VAV3: variants seen among roughly 807,000 people sequenced by gnomAD.
The protein encoded by VAV3 is vav guanine nucleotide exchange factor 3.
Under a neutral mutation model 131.2 loss-of-function variants are expected in VAV3, and 94 were observed. That is an observed-to-expected ratio of 0.72 (90% CI 0.61 to 0.85). VAV3 has a LOEUF of 0.85. VAV3 is among the 40% of genes least tolerant of loss of function. The pLI, the probability that VAV3 is intolerant of heterozygous loss-of-function variation, is 0.00. For synonymous variants in VAV3, 349 were observed against 342.0 expected (o/e 1.02, Z -0.22); for missense variants, 939 against 1,002.7 (o/e 0.94, Z 0.86).
At chr1:107,794,083 G>C (rs539810980) in intron 2 of VAV3, among the ~76,000 whole-genome samples, 1 of 152,378 alleles carries the variant, frequency 6.6e-6, no homozygotes, top group East Asian at 1.9e-4. Flanking sequence ...TTCTGTTCCA[G>C]ACGGGACCAA....
intron 17 of VAV3, among the ~76,000 whole-genome samples, chr1:107,693,403 T>A (rs888561183): frequency 6.6e-6 from 1 of 152,134 alleles, no homozygotes; most frequent in Admixed American, 6.5e-5. Context: ...CAAATGCACT[T>A]GAGTTAATAA....
intron 12 of VAV3, 112 bp from the exon 13 acceptor site, chr1:107,751,314 C>T (rs1431078420): frequency 1.2e-6 from 1 of 851,384 alleles, no homozygotes; most frequent in Middle Eastern, 3.0e-4. Context: ...AAAATGTTAC[C>T]ATTTTTTATA....
Position 107,755,974 on chromosome 1 carries a change from C to T in VAV3, c.1087-461G>A, listed in dbSNP as rs567373302. 9.9e-5 allele frequency among the ~76,000 whole-genome samples: 15 copies of T among 152,208 alleles called. No individual in the cohort carries two copies. In the South Asian group the frequency reaches 1.9e-3, roughly 19 times the overall value. ...AGCAAGACTGTTTTATTTTTGCAAT[C>T]GGCTAGTCTTCTTGGTTCCTGAGAG... On this transcript the variant is annotated intron_variant, in intron 11 of 26. Transcript: ENST00000370056.
intron 2 of VAV3, among the ~76,000 whole-genome samples, chr1:107,825,856 T>C (rs751046096): frequency 7.0e-4 from 106 of 152,190 alleles, no homozygotes; most frequent in Non-Finnish European, 1.4e-3. Flanking sequence ...TGTCTGACAC[T>C]GTCAAGACAC....
intron 1 of VAV3, among the ~76,000 whole-genome samples, chr1:107,923,123 C>T (rs188334269): frequency 3.9e-5 from 6 of 152,218 alleles, no homozygotes; most frequent in South Asian, 2.1e-4. Context: ...CCCTTCCTGT[C>T]TCTAGCATCT....
intron 1 of VAV3, among the ~76,000 whole-genome samples, chr1:107,887,214 C>T (rs1671077543): frequency 6.6e-6 from 1 of 152,220 alleles, no homozygotes; most frequent in Admixed American, 6.5e-5. Context: ...GAGGACTGCG[C>T]TCTTACCCGC....
chr1:107,602,894 T>C (rs1054581808), intron 23 of VAV3, among the ~76,000 whole-genome samples, 153 bp downstream of exon 23: 3 of 152,200 alleles, frequency 2.0e-5, no homozygotes, highest in East Asian at 3.8e-4. Context: ...TTCAAAGATA[T>C]ATTTTCAAGT....
At chr1:107,874,040 T>G (rs1018962832) in intron 2 of VAV3, among the ~76,000 whole-genome samples, 5 of 152,226 alleles carry the variant, frequency 3.3e-5, no homozygotes, top group African/African-American at 1.2e-4. Flanking sequence ...AGCCTTTTGA[T>G]AAGATACTAG....
chr1:107,686,034 T>TGGGGGGGGGGGGGGGGGG (rs554715740), intron 18 of VAV3: 21 of 85,046 alleles, frequency 2.5e-4, no homozygotes, highest in South Asian at 5.9e-4. Flanking sequence ...GTTGGGGGGG[T>TGGGGGGGGGGGGGGGGGG]GGGGGGGGAG....
chr1:107,784,020 ACTGCACTCCAGCCTGGGT>A (rs760097227), intron 2 of VAV3, among the ~76,000 whole-genome samples: 50 of 151,946 alleles, frequency 3.3e-4, no homozygotes, highest in Non-Finnish European at 6.8e-4. Flanking sequence ...AGATAGTGCC[ACTGCACTCCAGCCTGGGT>A]GACAGAGCAA....
At chr1:107,864,619 G>C (rs1669896966) in intron 2 of VAV3, among the ~76,000 whole-genome samples, 1 of 152,156 alleles carries the variant, frequency 6.6e-6, no homozygotes, top group African/African-American at 2.4e-5. Context: ...GTGAAACCCT[G>C]TCTCAAAAAA....
chr1:107,908,105 G>C (rs1405931441), intron 1 of VAV3, among the ~76,000 whole-genome samples: 1 of 152,208 alleles, frequency 6.6e-6, no homozygotes, highest in Admixed American at 6.5e-5. Context: ...CTCTTTCACA[G>C]TGCCTGGAAG....
chr1:107,880,524 G>A (rs1009595849), intron 1 of VAV3, among the ~76,000 whole-genome samples: 4 of 152,084 alleles, frequency 2.6e-5, no homozygotes, highest in African/African-American at 4.8e-5. Context: ...GGCCAGATGC[G>A]GTGGCTCATG....
chr1:107,646,032 G>A (rs1280472031), intron 19 of VAV3, among the ~76,000 whole-genome samples: 1 of 151,988 alleles, frequency 6.6e-6, no homozygotes, highest in Non-Finnish European at 1.5e-5. Context: ...TGCTGAAGAT[G>A]GCAAATCTCC....
intron 20 of VAV3, among the ~76,000 whole-genome samples, chr1:107,621,756 C>T (rs560770418): frequency 2.0e-5 from 3 of 152,158 alleles, no homozygotes; most frequent in East Asian, 1.9e-4. Context: ...CCTCCTGCCT[C>T]GTATTTGTTC....
chr1:107,752,340 C>A (rs1156670329), intron 12 of VAV3, among the ~76,000 whole-genome samples: 1 of 152,086 alleles, frequency 6.6e-6, no homozygotes, highest in Non-Finnish European at 1.5e-5. Context: ...TAAAGAATAA[C>A]TAAAAATGTT....
At chr1:107,805,799 T>C (rs1039687072) in intron 2 of VAV3, among the ~76,000 whole-genome samples, 2 of 152,152 alleles carry the variant, frequency 1.3e-5, no homozygotes, top group Admixed American at 1.3e-4. Context: ...TGCTTATAGA[T>C]TCTTTGTAAT....
intron 19 of VAV3, among the ~76,000 whole-genome samples, chr1:107,680,817 A>G (rs1658548792): frequency 6.6e-6 from 1 of 152,132 alleles, no homozygotes; most frequent in Non-Finnish European, 1.5e-5. Context: ...GAGGAGGCAA[A>G]CTGCCGAAGT....
chr1:107,861,716 G>A (rs1037204584), intron 2 of VAV3, among the ~76,000 whole-genome samples: 1 of 151,432 alleles, frequency 6.6e-6, no homozygotes, highest in African/African-American at 2.4e-5. Context: ...TAAATATGCA[G>A]CTACTTTAAA....
Sources: gnomAD v4.1 joint callset for allele counts (sites outside exome capture counted in the v4.1 genomes callset) on GRCh38, gnomAD v4.1.1 for gene constraint, MANE v1.5 for transcripts, NCBI Gene and HGNC (gene_info 2026-07-23, HGNC 2026-07-21) for gene names.